Variants in SLC27A6 observed in about 807,000 individuals in gnomAD.
The protein encoded by SLC27A6 is solute carrier family 27 member 6.
In SLC27A6, 74 loss-of-function variants were observed where a neutral mutation model predicts 63.9. The ratio of observed to expected loss-of-function variants is 1.16; its 90% CI spans 0.96 to 1.40. SLC27A6 has a LOEUF of 1.40. Ranked by LOEUF, SLC27A6 falls within the 40% of genes most tolerant of loss-of-function variation. The probability of loss-of-function intolerance (pLI) is 0.00; values close to 1 mark genes in which losing one functional copy is unlikely to be tolerated. For synonymous variants in SLC27A6, 287 were observed against 260.8 expected, an observed-to-expected ratio of 1.10 and a Z score of -0.97; for missense variants, 794 against 732.9, an observed-to-expected ratio of 1.08 and a Z score of -0.96.
chr5:129,003,908 CAGTG>C (rs1308139675), intron 4 of SLC27A6, among the ~76,000 whole-genome samples: 2 of 143,388 alleles, frequency 1.4e-5, no homozygotes, highest in African/African-American at 5.3e-5. Context: ...GTTGAGGCTG[CAGTG>C]AGCTGAGATT....
intron 4 of SLC27A6, among the ~76,000 whole-genome samples, chr5:129,013,902 G>A (rs1751807892): frequency 6.6e-6 from 1 of 152,176 alleles, no homozygotes; most frequent in East Asian, 1.9e-4. Flanking sequence ...TTCAGAATGA[G>A]GCACTAAATG....
chr5:129,006,162 T>TCCA (rs1291598871), intron 4 of SLC27A6, among the ~76,000 whole-genome samples: 4 of 142,018 alleles, frequency 2.8e-5, no homozygotes, highest in African/African-American at 1.0e-4. Flanking sequence ...CACTGCAAGC[T>TCCA]CCACCTCCTC....
chr5:129,005,587 T>C (rs1028877314), intron 4 of SLC27A6, among the ~76,000 whole-genome samples: 117 of 150,094 alleles, frequency 7.8e-4, no homozygotes, highest in East Asian at 8.0e-4. Context: ...CCATAGATGA[T>C]CCATAAATAG....
intron 4 of SLC27A6, among the ~76,000 whole-genome samples, chr5:128,992,261 G>C (rs942803504): frequency 3.2e-4 from 48 of 150,006 alleles, no homozygotes; most frequent in African/African-American, 1.2e-3. Context: ...TCCTTGACTA[G>C]AGGATCTCTC....
chr5:129,004,451 G>A (rs953872680), intron 4 of SLC27A6, among the ~76,000 whole-genome samples: 4 of 151,976 alleles, frequency 2.6e-5, no homozygotes, highest in Non-Finnish European at 4.4e-5. Flanking sequence ...CTTTTCGTCA[G>A]TCTTTCACGC....
intron 4 of SLC27A6, among the ~76,000 whole-genome samples, chr5:129,010,028 G>T: frequency 6.6e-6 from 1 of 152,274 alleles, no homozygotes; most frequent in South Asian, 2.1e-4. Context: ...TTAATAAATC[G>T]TATTTTTTAA....
intron 1 of SLC27A6, among the ~76,000 whole-genome samples, chr5:128,971,242 G>A (rs976671345): frequency 6.6e-6 from 1 of 152,122 alleles, no homozygotes. Context: ...CTGTTGATTT[G>A]GGGTGGAGAG....
chr5:128,977,581 A>G (rs1750432557), intron 1 of SLC27A6, among the ~76,000 whole-genome samples: 2 of 152,168 alleles, frequency 1.3e-5, no homozygotes, highest in South Asian at 4.1e-4. Flanking sequence ...GGCTTTTATG[A>G]TTTAGCATCA....
chr5:128,980,762 A>T (rs1014393080), intron 1 of SLC27A6, among the ~76,000 whole-genome samples: 4 of 152,218 alleles, frequency 2.6e-5, no homozygotes, highest in African/African-American at 9.6e-5. Flanking sequence ...TTATTAGTGC[A>T]TAAAATTTAA....
intron 9 of SLC27A6, among the ~76,000 whole-genome samples, chr5:129,031,204 A>G (rs529348514): frequency 6.6e-6 from 1 of 152,172 alleles, no homozygotes; most frequent in Admixed American, 6.6e-5. Context: ...TGTTATGTTT[A>G]TTAGAGTATT....
At chr5:128,976,571 G>A (rs1750389828) in intron 1 of SLC27A6, among the ~76,000 whole-genome samples, 1 of 152,090 alleles carries the variant, frequency 6.6e-6, no homozygotes, top group Non-Finnish European at 1.5e-5. Context: ...TTTTTCCTCT[G>A]ACTCTTTTTC....
At chr5:129,019,338 C>T (rs1364148945) in intron 5 of SLC27A6, among the ~76,000 whole-genome samples, 1 of 149,900 alleles carries the variant, frequency 6.7e-6, no homozygotes, top group Non-Finnish European at 1.5e-5. Context: ...ACATAAAATA[C>T]ATAGATAAAG....
At chr5:129,022,691 G>A (rs1752114475) in intron 5 of SLC27A6, among the ~76,000 whole-genome samples, 1 of 152,116 alleles carries the variant, frequency 6.6e-6, no homozygotes, top group African/African-American at 2.4e-5. Flanking sequence ...TGGGCGAAGT[G>A]GCTCACACCT....
rs1305835513 is a variant in SLC27A6, at chr5:129,016,047, G to A, written c.1132G>A (p.Gly378Arg). The change falls in exon 5 of 10, where the codon GGA becomes AGA. Residue 378 changes from glycine (G) to arginine (R), a missense_variant. Gly to Arg is a moderately radical substitution (Grantham distance 125, BLOSUM62 -2). Coordinates refer to ENST00000262462, the MANE Select transcript of SLC27A6 (RefSeq NM_001017372.3). The part of the protein sequence containing the change: ...ISFMNYTGRI[G>R]AIGRTNLFYK... ...TTTCATGAACTACACTGGGAGAATT[G>A]GAGCAATTGGGAGAACAAATTTGTT... The A allele has an allele frequency of 1.3e-6, 2 of 1,587,092 alleles. No individual in the cohort carries two copies. Among genetic ancestry groups the A allele is most frequent in the Non-Finnish European group, 8.5e-7 (1 of 1,172,734 alleles).
At chr5:129,027,762 C>T (rs2150155884) in intron 7 of SLC27A6, among the ~76,000 whole-genome samples, 1 of 152,210 alleles carries the variant, frequency 6.6e-6, no homozygotes, top group East Asian at 1.9e-4. Context: ...TTTTGCTTTA[C>T]TAGTCCAATG....
At chr5:128,993,605 T>C (rs555382521) in intron 4 of SLC27A6, among the ~76,000 whole-genome samples, 10 of 152,188 alleles carry the variant, frequency 6.6e-5, no homozygotes, top group East Asian at 1.9e-4. Flanking sequence ...CCAGTTGAAC[T>C]CCCACTTCAT....
intron 4 of SLC27A6, among the ~76,000 whole-genome samples, chr5:129,000,658 T>A (rs995490571): frequency 8.5e-5 from 13 of 152,238 alleles, no homozygotes; most frequent in African/African-American, 3.1e-4. Context: ...ACCCTGCACT[T>A]TTTGGAACGT....
intron 4 of SLC27A6, among the ~76,000 whole-genome samples, chr5:128,998,117 CAAAAAAAAAAA>C (rs34463699): frequency 1.1e-5 from 1 of 89,384 alleles, no homozygotes; most frequent in Non-Finnish European, 2.2e-5. Context: ...CCCATCTCTA[CAAAAAAAAAAA>C]AAAAAAAAAA....
At chr5:128,999,708 T>G (rs1304395973) in intron 4 of SLC27A6, among the ~76,000 whole-genome samples, 2 of 152,118 alleles carry the variant, frequency 1.3e-5, no homozygotes, top group Admixed American at 6.6e-5. Context: ...CTTTCCTCCC[T>G]TGGACTGTTC....
Sources: allele counts gnomAD v4.1 joint callset (sites outside exome capture counted in the v4.1 genomes callset), GRCh38; gene constraint gnomAD v4.1.1; transcripts MANE v1.5; gene names NCBI Gene and HGNC (gene_info 2026-07-23, HGNC 2026-07-21).